SERPINB12: variants seen among roughly 807,000 people sequenced by gnomAD.
SERPINB12 encodes serpin B12.
Under a neutral mutation model 41.1 loss-of-function variants are expected in SERPINB12, and 57 were observed. The ratio of observed to expected loss-of-function variants is 1.39; its 90% CI spans 1.12 to 1.73. The LOEUF (loss-of-function observed/expected upper bound fraction) is 1.73, where lower values mean the gene tolerates loss of function less well. Ranked by LOEUF, SERPINB12 falls within the 40% of genes most tolerant of loss-of-function variation. SERPINB12 has a pLI of 0.00. For missense variants in SERPINB12, 536 were observed against 501.9 expected, an observed-to-expected ratio of 1.07 and a Z score of -0.65; for synonymous variants, 180 against 181.3, an observed-to-expected ratio of 0.99 and a Z score of 0.06.
intron 2 of SERPINB12, 141 bp from the exon 3 acceptor site, chr18:63,558,211 C>A (rs1398931108): frequency 1.1e-6 from 1 of 930,066 alleles, no homozygotes; most frequent in African/African-American, 1.7e-5. Context: ...TACAGAAGCA[C>A]CCACTTTCCT....
chr18:63,557,713 T>C (rs1295872561), intron 2 of SERPINB12, among the ~76,000 whole-genome samples: 2 of 152,248 alleles, frequency 1.3e-5, no homozygotes, highest in Admixed American at 1.3e-4. Context: ...CAAATGGGTC[T>C]GAGTAGTGCA....
At chr18:63,524,477 A>T in the SERPINB12 span, among the ~76,000 whole-genome samples, 1 of 151,950 alleles carries the variant, frequency 6.6e-6, no homozygotes, top group Non-Finnish European at 1.5e-5. Context: ...TTTAATAGAG[A>T]TGGGGTTCCA....
chr18:63,531,103 T>C, the SERPINB12 span, among the ~76,000 whole-genome samples: 1 of 152,220 alleles, frequency 6.6e-6, no homozygotes, highest in South Asian at 2.1e-4. Flanking sequence ...GCCTGCTTGC[T>C]TAAATGTGCA....
chr18:63,533,118 C>T, the SERPINB12 span, among the ~76,000 whole-genome samples: 1 of 152,074 alleles, frequency 6.6e-6, no homozygotes, highest in African/African-American at 2.4e-5. Flanking sequence ...GCTGGGATTA[C>T]AGGCGCCCAC....
chr18:63,546,254 G>A (rs575167427), intron 1 of SERPINB12, among the ~76,000 whole-genome samples: 2 of 152,254 alleles, frequency 1.3e-5, no homozygotes, highest in African/African-American at 4.8e-5. Context: ...TCAGTTCCTG[G>A]AGTTTGACTC....
At chr18:63,563,512 C>T (rs551974542) in intron 5 of SERPINB12, among the ~76,000 whole-genome samples, 8 of 152,214 alleles carry the variant, frequency 5.3e-5, no homozygotes, top group Admixed American at 1.3e-4. Context: ...ATCACCCCCT[C>T]GCTTACCTCC....
chr18:63,567,167 T>G lies in SERPINB12; in HGVS notation c.*156T>G, dbSNP rs189466919. 6.6e-6 allele frequency among the ~76,000 whole-genome samples: 1 copy of G among 152,332 alleles called. No homozygotes were observed. Among genetic ancestry groups the G allele is most frequent in the East Asian group, 1.9e-4 (1 of 5,188 alleles). On this transcript the variant is annotated 3_prime_UTR_variant, in exon 8 of 8. Transcript: ENST00000382768. Reference sequence around the variant, plus strand: ...GCTTATCTTGATCTTTCTGTCACCCTGTAGCTTATTTTCATCTGAGTCTGT... The same window carrying G: ...GCTTATCTTGATCTTTCTGTCACCCGGTAGCTTATTTTCATCTGAGTCTGT...
chr18:63,547,903 T>C (rs540759057), intron 1 of SERPINB12, among the ~76,000 whole-genome samples: 18 of 152,232 alleles, frequency 1.2e-4, no homozygotes, highest in African/African-American at 4.3e-4. Flanking sequence ...TTATCTACAA[T>C]GAAAAATGGG....
chr18:63,523,909 A>G, the SERPINB12 span, among the ~76,000 whole-genome samples: 2 of 152,216 alleles, frequency 1.3e-5, no homozygotes, highest in Non-Finnish European at 2.9e-5. Flanking sequence ...ACGGAAGTTG[A>G]ACTTCCAAGA....
chr18:63,552,999 G>A (rs1206024737), intron 1 of SERPINB12, among the ~76,000 whole-genome samples: 1 of 151,512 alleles, frequency 6.6e-6, no homozygotes, highest in East Asian at 1.9e-4. Flanking sequence ...GTTGTTTTCT[G>A]TTACTATTGT....
rs1372275894 is a variant in SERPINB12, at chr18:63,567,080, T to C, written c.*69T>C. The C allele has an allele frequency of 6.1e-6, 9 of 1,465,328 alleles. No homozygotes were observed. Among genetic ancestry groups the C allele is most frequent in the Middle Eastern group, 1.9e-4 (1 of 5,310 alleles). 90.8% of individuals were successfully genotyped at this position (1,465,328 alleles called of 1,614,324 possible). Reference sequence around the variant, plus strand: ...AATACAATCTTCCCCTGGCATAAGATGGGCATTTGAGTTTTTGGTAATATC... The same window carrying C: ...AATACAATCTTCCCCTGGCATAAGACGGGCATTTGAGTTTTTGGTAATATC... On this transcript the variant is annotated 3_prime_UTR_variant, in exon 8 of 8. Transcript: ENST00000382768.
At chr18:63,529,202 C>A in the SERPINB12 span, among the ~76,000 whole-genome samples, 2 of 152,142 alleles carry the variant, frequency 1.3e-5, no homozygotes, top group African/African-American at 2.4e-5. Context: ...CAAAGAGGTT[C>A]AGGCAAGGGG....
chr18:63,523,093 G>A, the SERPINB12 span, among the ~76,000 whole-genome samples: 4 of 152,142 alleles, frequency 2.6e-5, no homozygotes, highest in East Asian at 1.9e-4. Context: ...CCCAAAGTTA[G>A]TTTGAGATAA....
the SERPINB12 span, among the ~76,000 whole-genome samples, chr18:63,520,497 G>A: frequency 2.8e-3 from 431 of 152,320 alleles, 1 homozygote; most frequent in Non-Finnish European, 4.6e-3. Context: ...CCACCCCCAG[G>A]AGATTGTCCT....
the SERPINB12 span, among the ~76,000 whole-genome samples, chr18:63,536,187 C>A: frequency 6.6e-6 from 1 of 151,592 alleles, no homozygotes; most frequent in East Asian, 1.9e-4. Flanking sequence ...ACAGTTCTTT[C>A]AAAAAATTCA....
At chr18:63,561,392 A>C (rs1447878221) in intron 5 of SERPINB12, among the ~76,000 whole-genome samples, 190 bp downstream of exon 5, 1 of 152,186 alleles carries the variant, frequency 6.6e-6, no homozygotes, top group Non-Finnish European at 1.5e-5. Context: ...AAAAGTTAAA[A>C]AACGACAGAT....
intron 5 of SERPINB12, among the ~76,000 whole-genome samples, chr18:63,561,479 T>C (rs1910909423): frequency 6.6e-6 from 1 of 152,208 alleles, no homozygotes; most frequent in African/African-American, 2.4e-5. Flanking sequence ...TGGAAAGTAG[T>C]TTGGAAATTT....
chr18:63,525,801 A>G, the SERPINB12 span, among the ~76,000 whole-genome samples: 1 of 152,174 alleles, frequency 6.6e-6, no homozygotes, highest in African/African-American at 2.4e-5. Context: ...ATAGCCTGTA[A>G]ATATCAGGCA....
chr18:63,523,472 G>A, the SERPINB12 span, among the ~76,000 whole-genome samples: 1 of 152,194 alleles, frequency 6.6e-6, no homozygotes, highest in African/African-American at 2.4e-5. Flanking sequence ...CAAACCTGAT[G>A]AAAAGGTGCT....
Sources: gnomAD v4.1 joint callset for allele counts (sites outside exome capture counted in the v4.1 genomes callset) on GRCh38, gnomAD v4.1.1 for gene constraint, MANE v1.5 for transcripts, NCBI Gene and HGNC (gene_info 2026-07-23, HGNC 2026-07-21) for gene names.